The following TBXAS1 variants were observed in gnomAD, a reference collection of about 807,000 sequenced individuals.
The protein encoded by TBXAS1 is thromboxane-A synthase.
A neutral mutation model predicts 60.7 loss-of-function variants in TBXAS1; 48 were observed. The ratio of observed to expected loss-of-function variants is 0.79; its 90% confidence interval spans 0.63 to 1.01. The LOEUF is 1.01. Ranked by LOEUF, TBXAS1 falls within the 50% of genes least tolerant of loss-of-function variation. The pLI is 0.00. For missense variants in TBXAS1, 685 were observed against 686.3 expected, an observed-to-expected ratio of 1.00 and a Z score of 0.02; for synonymous variants, 287 against 269.7, an observed-to-expected ratio of 1.06 and a Z score of -0.63.
chr7:139,822,265 TTCTCTC>T (rs138999510), intron 4 of TBXAS1, among the ~76,000 whole-genome samples: 1 of 150,188 alleles, frequency 6.7e-6, no homozygotes, highest in South Asian at 2.1e-4. Context: ...CTTATACTCT[TTCTCTC>T]TCTCTCTCTC....
chr7:139,950,035 GGATT>G (rs2117286044), intron 5 of TBXAS1, among the ~76,000 whole-genome samples: 1 of 128,460 alleles, frequency 7.8e-6, no homozygotes, highest in South Asian at 2.5e-4. Flanking sequence ...GCAGGTGATG[GGATT>G]TTTTTTTTTT....
intron 4 of TBXAS1, chr7:139,914,063 T>A (rs1034321106): frequency 1.3e-5 from 2 of 149,108 alleles, no homozygotes; most frequent in African/African-American, 5.0e-5. Flanking sequence ...ACGGTCTTGC[T>A]CTGTCACCCA....
intron 4 of TBXAS1, chr7:139,913,200 T>C: frequency 1.4e-6 from 1 of 697,960 alleles, no homozygotes; most frequent in Non-Finnish European, 2.6e-6. Context: ...GCTTCTCTGC[T>C]GCCTCTAGAT....
intron 5 of TBXAS1, among the ~76,000 whole-genome samples, chr7:139,940,324 T>A (rs962717899): frequency 2.6e-5 from 4 of 152,198 alleles, no homozygotes; most frequent in Non-Finnish European, 5.9e-5. Context: ...TTCCTCAAAC[T>A]TTAATCTCCC....
At chr7:139,845,601 G>C (rs971005758) in intron 1 of TBXAS1, among the ~76,000 whole-genome samples, 1 of 152,024 alleles carries the variant, frequency 6.6e-6, no homozygotes, top group Middle Eastern at 3.2e-3. Flanking sequence ...ATTGTGCCAG[G>C]GGCACTCAAC....
rs774927838 is a variant in TBXAS1, at chr7:139,962,181, C to CT, written c.1083dup (p.Asp362Ter). 1.2e-4 allele frequency: 193 copies of CT among 1,614,074 alleles called. No individual in the cohort carries two copies. The highest frequency in any genetic ancestry group is 1.6e-4 in the Non-Finnish European group (192 of 1,180,048). On this transcript the variant is annotated frameshift_variant, in exon 9 of 13. Coordinates refer to ENST00000448866, the MANE Select transcript of TBXAS1 (RefSeq NM_001061.7). LOFTEE classifies it high-confidence loss of function. ...GCCACCTACCTACTGGCCACCAACC[C>CT]TGACTGCCAAGAGAAGCTTCTGAGA...
At chr7:139,865,653 GGAGGAGGAGGAAGAGGAGGAGGAGGAA>G (rs1801313755) in intron 1 of TBXAS1, among the ~76,000 whole-genome samples, 4 of 91,554 alleles carry the variant, frequency 4.4e-5, no homozygotes, top group Non-Finnish European at 7.0e-5. Flanking sequence ...AGGAGGAAGA[GGAGGAGGAGGAAGAGGAGGAGGAGGAA>G]GAGGAGGAGG....
At chr7:139,889,699 C>T (rs139752941) in intron 3 of TBXAS1, among the ~76,000 whole-genome samples, 82 of 152,226 alleles carry the variant, frequency 5.4e-4, no homozygotes, top group African/African-American at 1.8e-3. Flanking sequence ...TGCACCCTCC[C>T]GTGGTGGAAG....
At chr7:139,969,740 A>G (rs1440179668) in intron 9 of TBXAS1, among the ~76,000 whole-genome samples, 1 of 152,142 alleles carries the variant, frequency 6.6e-6, no homozygotes. Flanking sequence ...GGCTACCCAC[A>G]GTTGGTGAGG....
chr7:139,947,342 C>T (rs1808806894), intron 5 of TBXAS1, among the ~76,000 whole-genome samples: 2 of 152,222 alleles, frequency 1.3e-5, no homozygotes, highest in South Asian at 2.1e-4. Context: ...CATGTTCTCA[C>T]TTACAAGTGG....
intron 4 of TBXAS1, among the ~76,000 whole-genome samples, chr7:139,915,323 C>A (rs1248969607): frequency 6.6e-6 from 1 of 152,192 alleles, no homozygotes; most frequent in Non-Finnish European, 1.5e-5. Context: ...TCCTTACTGA[C>A]ACCACGTTGC....
chr7:140,005,695 C>G (rs1814025040), intron 9 of TBXAS1, among the ~76,000 whole-genome samples: 1 of 152,184 alleles, frequency 6.6e-6, no homozygotes, highest in Admixed American at 6.5e-5. Context: ...CCCTGGCCCT[C>G]TAAATTCATA....
At chr7:139,854,175 A>T (rs1316061888) in intron 1 of TBXAS1, among the ~76,000 whole-genome samples, 15 of 151,950 alleles carry the variant, frequency 9.9e-5, no homozygotes, top group Non-Finnish European at 1.8e-4. Flanking sequence ...GACCTCCTTA[A>T]ATTTTGTACC....
intron 4 of TBXAS1, among the ~76,000 whole-genome samples, chr7:139,816,848 G>T (rs1386405422): frequency 6.6e-6 from 1 of 152,110 alleles, no homozygotes; most frequent in Non-Finnish European, 1.5e-5. Flanking sequence ...CCCCATCCAG[G>T]CTTGGAACCC....
In TBXAS1 at chr7:139,832,525, C is replaced by G. The variant is rs182840111; in HGVS notation, c.89+3046C>G. On this transcript the variant is annotated intron_variant, in intron 1 of 12. Transcript: ENST00000448866. The stretch of plus-strand genomic sequence containing the variant: ...GGAAGAAGAGAATTCTAAAAGCTTG[C>G]AAAACATATTTGGGGGAATAATCAA... 3.3e-3 allele frequency among the ~76,000 whole-genome samples: 503 copies of G among 152,224 alleles called. 1 individual carries two copies. The highest frequency in any genetic ancestry group is 5.6e-3 in the Non-Finnish European group (384 of 67,986).
intron 3 of TBXAS1, among the ~76,000 whole-genome samples, chr7:139,881,393 A>T (rs1802679547): frequency 6.6e-6 from 1 of 152,200 alleles, no homozygotes; most frequent in Admixed American, 6.5e-5. Flanking sequence ...TATTTTTAAA[A>T]TATAGAATGT....
At chr7:139,821,172 T>G (rs1798284744) in intron 4 of TBXAS1, among the ~76,000 whole-genome samples, 1 of 152,144 alleles carries the variant, frequency 6.6e-6, no homozygotes, top group Non-Finnish European at 1.5e-5. Flanking sequence ...GTTTCTGGCT[T>G]GGGGCTGAAG....
chr7:139,798,065 C>T (rs1034338749), intron 4 of TBXAS1, among the ~76,000 whole-genome samples: 2 of 152,078 alleles, frequency 1.3e-5, no homozygotes, highest in Non-Finnish European at 2.9e-5. Flanking sequence ...GCTCAAATGA[C>T]AAGAATTTTT....
rs79208461 is a variant in TBXAS1 at position 139,891,566 on chromosome 7, A to G, written c.236+15929A>G. 5.9e-3 allele frequency among the ~76,000 whole-genome samples: 902 copies of G among 152,312 alleles called. 8 individuals carry two copies. Among genetic ancestry groups the G allele is most frequent in the South Asian group, 0.027 (132 of 4,826 alleles). ...TTGCTGTTTCTTCAACATTCCAAACAGTCCTGCCTTAGGACGTTTGCCATA... is the reference window on the plus strand; with the variant it reads ...TTGCTGTTTCTTCAACATTCCAAACGGTCCTGCCTTAGGACGTTTGCCATA... On this transcript the variant is annotated intron_variant, in intron 3 of 12. Transcript: ENST00000448866.
Sources: allele counts gnomAD v4.1 joint callset (sites outside exome capture counted in the v4.1 genomes callset), GRCh38; gene constraint gnomAD v4.1.1; transcripts MANE v1.5; gene names NCBI Gene and HGNC (gene_info 2026-07-23, HGNC 2026-07-21).